The following TFDP2 variants were observed in gnomAD, a reference collection of about 807,000 sequenced individuals.
TFDP2 encodes transcription factor Dp-2 (E2F dimerization partner 2).
A neutral mutation model predicts 59.3 loss-of-function variants in TFDP2; 17 were observed. The ratio of observed to expected loss-of-function variants is 0.29; its 90% confidence interval spans 0.20 to 0.43. The LOEUF (loss-of-function observed/expected upper bound fraction) is 0.43, where lower values mean the gene tolerates loss of function less well. TFDP2 is among the 20% of genes least tolerant of loss of function. The probability of loss-of-function intolerance (pLI) is 1.00; values close to 1 mark genes in which losing one functional copy is unlikely to be tolerated. For missense variants in TFDP2, 391 were observed against 528.8 expected (o/e 0.74, Z 2.56); for synonymous variants, 180 against 194.7 (o/e 0.92, Z 0.63).
In TFDP2 at chr3:141,952,998, G is replaced by A; in HGVS notation, c.1070C>T (p.Ser357Phe). The A allele has an allele frequency of 1.2e-6, 2 of 1,613,982 alleles. No homozygotes were observed. The highest frequency in any genetic ancestry group is 1.7e-5 in the Admixed American group (1 of 60,008). ...CAGAAGTAGTCCCTGATTTAACCAA[G>A]AAGGTCCTGTGGAGATATCTAAAGG... ...GYITDISTGP[S>F]WLNQGLLLNS... Residue 357 changes from serine to phenylalanine, a missense_variant, in exon 12 of 13, where the codon TCT (serine) becomes TTT (phenylalanine). Coordinates refer to ENST00000489671, the MANE Select transcript of TFDP2 (RefSeq NM_001178139.2).
intron 3 of TFDP2, among the ~76,000 whole-genome samples, chr3:142,061,424 T>A (rs1227688638): frequency 6.6e-6 from 1 of 152,174 alleles, no homozygotes; most frequent in African/African-American, 2.4e-5. Context: ...GATGCCCAGA[T>A]AGCTGATAAA....
At chr3:141,972,291 T>C (rs561057165) in intron 8 of TFDP2, among the ~76,000 whole-genome samples, 3 of 152,308 alleles carry the variant, frequency 2.0e-5, no homozygotes, top group African/African-American at 7.2e-5. Flanking sequence ...TCCAATCTCA[T>C]GGCCGCTGCC....
chr3:141,983,747 CATA>C lies in TFDP2; in HGVS notation c.357-5068_357-5066del, dbSNP rs560767596. Among the ~76,000 whole-genome samples the C allele has an allele frequency of 2.2e-4, 33 of 151,510 alleles. No individual in the cohort carries two copies. The South Asian group carries it at 6.0e-3, about 28-fold the overall frequency. ...TCATTAGAGAAATATAAATCAAAAC[CATA>C]ATGAGATGCCACTACATACCCATTA... On this transcript the variant is annotated intron_variant, in intron 6 of 12. Coordinates refer to ENST00000489671, the MANE Select transcript of TFDP2 (RefSeq NM_001178139.2).
At chr3:142,039,302 T>C (rs1040687509) in intron 3 of TFDP2, among the ~76,000 whole-genome samples, 6 of 152,342 alleles carry the variant, frequency 3.9e-5, no homozygotes, top group South Asian at 2.1e-4. Context: ...CATTTAGTCA[T>C]CATGTTTCCT....
chr3:142,062,300 TAC>T (rs886466735), intron 3 of TFDP2, among the ~76,000 whole-genome samples: 1 of 151,646 alleles, frequency 6.6e-6, no homozygotes, highest in African/African-American at 2.4e-5. Context: ...GTTAAAATTA[TAC>T]ACAGATTTTT....
intron 3 of TFDP2, among the ~76,000 whole-genome samples, chr3:142,012,277 G>A (rs1429937809): frequency 6.6e-6 from 1 of 152,160 alleles, no homozygotes; most frequent in East Asian, 1.9e-4. Flanking sequence ...CTCCCAAAGT[G>A]CTGGGATCAT....
At chr3:142,052,214 C>T (rs765352291) in intron 3 of TFDP2, among the ~76,000 whole-genome samples, 16 of 152,048 alleles carry the variant, frequency 1.1e-4, no homozygotes, top group Non-Finnish European at 1.0e-4. Context: ...AATATAGCAA[C>T]GTAAAAACTT....
In TFDP2 at chr3:141,946,856, T is replaced by A. The variant is rs150508847; in HGVS notation, c.*5657A>T. 1 of 152,270 alleles carries A rather than the reference T, an allele frequency of 6.6e-6. No individual in the cohort carries two copies. Among genetic ancestry groups the A allele is most frequent in the African/African-American group, 2.4e-5 (1 of 41,540 alleles). 9.4% of individuals were successfully genotyped at this position (152,270 alleles called of 1,614,324 possible). On this transcript the variant is annotated 3_prime_UTR_variant, in exon 13 of 13. Transcript: ENST00000489671. ...CAGTGTGGTCAACATGGTGAAACCCTGTCTCTACTAAAAATACAAAAATTA... is the reference window on the plus strand; with the variant it reads ...CAGTGTGGTCAACATGGTGAAACCCAGTCTCTACTAAAAATACAAAAATTA...
intron 1 of TFDP2, among the ~76,000 whole-genome samples, chr3:142,125,925 T>C (rs2062225517): frequency 6.6e-6 from 1 of 152,154 alleles, no homozygotes; most frequent in Admixed American, 6.6e-5. Context: ...TTCCTTCACA[T>C]AGAAACAATA....
At chr3:142,037,959 T>G (rs1235781683) in intron 3 of TFDP2, among the ~76,000 whole-genome samples, 1 of 152,254 alleles carries the variant, frequency 6.6e-6, no homozygotes, top group Non-Finnish European at 1.5e-5. Flanking sequence ...CTGATTCTTT[T>G]CTAATGACAA....
intron 3 of TFDP2, among the ~76,000 whole-genome samples, chr3:142,066,456 A>C (rs2060077314): frequency 1.3e-5 from 2 of 152,198 alleles, no homozygotes; most frequent in Non-Finnish European, 2.9e-5. Context: ...ACATTAGCCT[A>C]CAATTAGGCA....
chr3:141,973,853 C>T (rs1467233528), intron 8 of TFDP2, among the ~76,000 whole-genome samples, 195 bp downstream of exon 8: 1 of 152,078 alleles, frequency 6.6e-6, no homozygotes, highest in African/African-American at 2.4e-5. Flanking sequence ...CCCTCAGTTT[C>T]ATCATTTGCA....
chr3:142,025,807 A>G (rs1245666482), intron 3 of TFDP2, among the ~76,000 whole-genome samples: 2 of 152,208 alleles, frequency 1.3e-5, no homozygotes, highest in African/African-American at 4.8e-5. Context: ...ATGATTCAAT[A>G]AACTTCAAAG....
chr3:142,071,311 C>T (rs551790539), intron 3 of TFDP2, among the ~76,000 whole-genome samples: 6 of 152,164 alleles, frequency 3.9e-5, no homozygotes, highest in African/African-American at 7.2e-5. Context: ...CGCACACCAC[C>T]GCACCGGGCT....
At chr3:142,123,919 A>G (rs1333805405) in intron 1 of TFDP2, among the ~76,000 whole-genome samples, 2 of 152,200 alleles carry the variant, frequency 1.3e-5, no homozygotes, top group Admixed American at 1.3e-4. Flanking sequence ...AAGAGATTCA[A>G]CTGGAGATGA....
chr3:142,136,376 G>A (rs938462558), intron 1 of TFDP2, among the ~76,000 whole-genome samples: 7 of 152,034 alleles, frequency 4.6e-5, no homozygotes, highest in African/African-American at 1.7e-4. Context: ...TAGGTTGCCT[G>A]TTCACTCTGA....
rs983333339 is a variant in TFDP2 at position 141,951,661 on chromosome 3, T to G, written c.*852A>C. 2.6e-5 allele frequency: 4 copies of G among 152,656 alleles called. No individual in the cohort carries two copies. Among genetic ancestry groups the G allele is most frequent in the Non-Finnish European group, 4.4e-5 (3 of 68,036 alleles). The allele number at this position is 152,656 out of a possible 1,614,324, so 9.5% of individuals were successfully genotyped here. A position where few individuals can be genotyped will look rare whatever the true frequency, so the allele number is the denominator to read the frequency against. On this transcript the variant is annotated 3_prime_UTR_variant, in exon 13 of 13. Coordinates refer to ENST00000489671, the MANE Select transcript of TFDP2 (RefSeq NM_001178139.2). ...AGGAATTTGTTTCTTTGTCTTGTTT[T>G]AAATGAAAAAGCTATATGAAATGCA...
intron 6 of TFDP2, among the ~76,000 whole-genome samples, chr3:141,990,724 A>T (rs1942672470): frequency 6.6e-6 from 1 of 152,140 alleles, no homozygotes; most frequent in South Asian, 2.1e-4. Context: ...AAAATGTATA[A>T]ACCTTATATA....
At chr3:142,063,891 C>T (rs1017181121) in intron 3 of TFDP2, among the ~76,000 whole-genome samples, 3 of 151,984 alleles carry the variant, frequency 2.0e-5, no homozygotes, top group African/African-American at 4.8e-5. Flanking sequence ...TCAGGCTGAT[C>T]CTACTTGTTG....
Sources: allele counts gnomAD v4.1 joint callset (sites outside exome capture counted in the v4.1 genomes callset), GRCh38; gene constraint gnomAD v4.1.1; transcripts MANE v1.5; gene names NCBI Gene and HGNC (gene_info 2026-07-23, HGNC 2026-07-21).